The following ARHGAP6 variants were observed in gnomAD, a reference collection of about 807,000 sequenced individuals.
The protein encoded by ARHGAP6 is Rho GTPase activating protein 6.
ARHGAP6 carries 16 observed loss-of-function variants against 55.7 expected under a neutral mutation model. That is an observed-to-expected ratio of 0.29 (90% CI 0.19 to 0.44). The LOEUF (loss-of-function observed/expected upper bound fraction) is 0.44, where lower values mean the gene tolerates loss of function less well. Among genes scored for constraint, ARHGAP6 ranks in the 20% least tolerant of loss-of-function variants. The probability of loss-of-function intolerance (pLI) is 1.00; values close to 1 mark genes in which losing one functional copy is unlikely to be tolerated. For missense variants in ARHGAP6, 698 were observed against 808.9 expected (o/e 0.86, Z 1.66); for synonymous variants, 382 against 360.9 (o/e 1.06, Z -0.66).
At chrX:11,595,026 C>T (rs1356175099) in intron 1 of ARHGAP6, among the ~76,000 whole-genome samples, 1 of 111,843 alleles carries the variant, frequency 8.9e-6, no homozygotes, top group Non-Finnish European at 1.9e-5. Context: ...CGCAGTGGCT[C>T]ACACCTGTAA....
intron 1 of ARHGAP6, among the ~76,000 whole-genome samples, chrX:11,623,068 T>G (rs528619071): frequency 2.7e-5 from 3 of 111,489 alleles, no homozygotes; most frequent in African/African-American, 9.8e-5. Context: ...GCCAGAGCAA[T>G]AAGACGAGGA....
At chrX:11,153,387 T>A (rs920241348) in intron 10 of ARHGAP6, among the ~76,000 whole-genome samples, 1 of 108,679 alleles carries the variant, frequency 9.2e-6, no homozygotes, top group Non-Finnish European at 1.9e-5. Flanking sequence ...TAGCCAGGTG[T>A]GGTGGCATGC....
Position 11,304,722 on chromosome X carries a change from A to G in ARHGAP6, c.589-50015T>C, listed in dbSNP as rs1039771009. On this transcript the variant is annotated intron_variant, in intron 1 of 12. Coordinates refer to ENST00000337414, the MANE Select transcript of ARHGAP6 (RefSeq NM_013427.3). ...CAGACCCTTCCCTTGTCACTCTGGC[A>G]TTGGCACAATTCAGCTAATTCCACA... 5.0e-5 allele frequency among the ~76,000 whole-genome samples: 5 copies of G among 100,825 alleles called. No individual in the cohort carries two copies. The Admixed American group carries it at 5.5e-4, about 11-fold the overall frequency. 87.6% of individuals were successfully genotyped at this position (100,825 alleles called of 115,157 possible).
At chrX:11,411,186 TATA>T (rs2049678014) in intron 1 of ARHGAP6, among the ~76,000 whole-genome samples, 2 of 46,041 alleles carry the variant, frequency 4.3e-5, no homozygotes, top group African/African-American at 9.5e-5. Context: ...ACATTATTTA[TATA>T]TATATATATA....
intron 1 of ARHGAP6, among the ~76,000 whole-genome samples, chrX:11,581,708 G>C (rs1056305506): frequency 1.8e-5 from 2 of 111,247 alleles, no homozygotes; most frequent in Non-Finnish European, 3.8e-5. Flanking sequence ...GAAATGTCCG[G>C]AATAGGCAAA....
intron 1 of ARHGAP6, among the ~76,000 whole-genome samples, chrX:11,297,321 G>A (rs1490783178): frequency 1.8e-5 from 2 of 111,779 alleles, no homozygotes; most frequent in African/African-American, 3.3e-5. Flanking sequence ...AGTTTTGGAC[G>A]TCGGGTTTGA....
intron 11 of ARHGAP6, chrX:11,143,395 C>G (rs953957465): frequency 3.5e-5 from 7 of 197,469 alleles, no homozygotes; most frequent in Non-Finnish European, 5.4e-5. Flanking sequence ...GAATTAAATA[C>G]TGTTATCATT....
rs371984872 is a variant in ARHGAP6, at chrX:11,321,932, T to C, written c.589-67225A>G. On this transcript the variant is annotated intron_variant, in intron 1 of 12. Transcript: ENST00000337414. ...CTGGTGAGAAATCTTTGTGAAGAAA[T>C]TGCAGTTAAAGTGGCGCTCTGGAAA... Among the ~76,000 whole-genome samples, 58 of 112,095 alleles carry C rather than the reference T, an allele frequency of 5.2e-4. 1 individual carries two copies. The South Asian group carries it at 0.02, about 39-fold the overall frequency.
At chrX:11,487,469 C>T (rs1334568850) in intron 1 of ARHGAP6, among the ~76,000 whole-genome samples, 1 of 111,955 alleles carries the variant, frequency 8.9e-6, no homozygotes, top group Non-Finnish European at 1.9e-5. Flanking sequence ...CTTGAAGGGG[C>T]TCCCACTTCA....
At chrX:11,271,780 C>G (rs974939410) in intron 1 of ARHGAP6, among the ~76,000 whole-genome samples, 4 of 111,712 alleles carry the variant, frequency 3.6e-5, no homozygotes, top group African/African-American at 1.3e-4. Context: ...TGGTAGTTAA[C>G]TCATCTAAAT....
At chrX:11,362,215 T>C (rs373642526) in intron 1 of ARHGAP6, among the ~76,000 whole-genome samples, 1 of 111,848 alleles carries the variant, frequency 8.9e-6, no homozygotes, top group Admixed American at 9.5e-5. Context: ...CGTATGTTTA[T>C]TGCAGCACTA....
chrX:11,527,029 T>TGA (rs1207353213), intron 1 of ARHGAP6, among the ~76,000 whole-genome samples: 1 of 106,691 alleles, frequency 9.4e-6, no homozygotes, highest in Non-Finnish European at 1.9e-5. Context: ...TGTGTGTGTG[T>TGA]GTGTGTGTGT....
intron 1 of ARHGAP6, among the ~76,000 whole-genome samples, chrX:11,654,519 C>T (rs999519157): frequency 3.6e-5 from 4 of 111,787 alleles, no homozygotes; most frequent in Admixed American, 9.5e-5. Flanking sequence ...TTACTTCTAA[C>T]GGCTCCTGAA....
intron 1 of ARHGAP6, among the ~76,000 whole-genome samples, chrX:11,478,719 G>A (rs2050427437): frequency 8.9e-6 from 1 of 112,063 alleles, no homozygotes; most frequent in African/African-American, 3.2e-5. Context: ...AAGCCAGAAA[G>A]ATTGGGGGGT....
At chrX:11,466,257 T>C (rs2050291991) in intron 1 of ARHGAP6, among the ~76,000 whole-genome samples, 1 of 111,671 alleles carries the variant, frequency 9.0e-6, no homozygotes, top group African/African-American at 3.3e-5. Context: ...CCTAAAAATA[T>C]TTTGTGCATG....
At chrX:11,595,294 GA>G (rs200780665) in intron 1 of ARHGAP6, among the ~76,000 whole-genome samples, 7,980 of 63,545 alleles carry the variant, frequency 0.13, 395 homozygotes, top group East Asian at 0.28. Context: ...TGTCTCAAGA[GA>G]AAAAAAAAAA....
At position 11,496,193 on chromosome X, in the gene ARHGAP6, A is replaced by C. The variant is rs2050620233; in HGVS notation, c.588+168048T>G. ...AAATATGTATTGTCTTAAGCCACTA[A>C]GTTAGTGATAATTTGTTACACAGTA... is the stretch of plus-strand genomic sequence containing the variant. On this transcript the variant is annotated intron_variant, in intron 1 of 12. Transcript: ENST00000337414. 2.7e-5 allele frequency among the ~76,000 whole-genome samples: 3 copies of C among 112,549 alleles called. No homozygotes were observed. The South Asian group carries it at 1.1e-3, about 41-fold the overall frequency.
At chrX:11,168,866 ATATT>A (rs760200343) in intron 9 of ARHGAP6, among the ~76,000 whole-genome samples, 78 of 112,449 alleles carry the variant, frequency 6.9e-4, no homozygotes, top group Non-Finnish European at 1.3e-3. Context: ...AATCAAAAAA[ATATT>A]TATTGAGTGC....
chrX:11,294,733 G>A, intron 1 of ARHGAP6: 3 of 1,149,714 alleles, frequency 2.6e-6, no homozygotes, highest in Non-Finnish European at 3.6e-6. Flanking sequence ...TTACATCCAT[G>A]TTTCAGAAGA....
Sources: allele counts gnomAD v4.1 joint callset (sites outside exome capture counted in the v4.1 genomes callset), GRCh38; gene constraint gnomAD v4.1.1; transcripts MANE v1.5; gene names NCBI Gene and HGNC (gene_info 2026-07-23, HGNC 2026-07-21).